STAMBPL1: variants seen among roughly 807,000 people sequenced by gnomAD.
STAMBPL1 encodes the protein AMSH-like protease.
A neutral mutation model predicts 52.9 loss-of-function variants in STAMBPL1; 44 were observed. That is an observed-to-expected ratio of 0.83 (90% confidence interval 0.65 to 1.07). STAMBPL1 has a LOEUF of 1.07. Among genes scored for constraint, STAMBPL1 ranks in the 50% least tolerant of loss-of-function variants. The pLI is 0.00. For missense variants in STAMBPL1, 511 were observed against 520.8 expected (o/e 0.98, Z 0.18); for synonymous variants, 164 against 177.3 (o/e 0.92, Z 0.60).
chr10:88,905,494 G>A lies in STAMBPL1; in HGVS notation c.82G>A (p.Glu28Lys). 1 of 1,614,106 alleles carries A rather than the reference G, an allele frequency of 6.2e-7. No individual in the cohort carries two copies. The highest frequency in any genetic ancestry group is 8.5e-7 in the Non-Finnish European group (1 of 1,180,008). The change falls in exon 3 of 11, where the codon GAG becomes AAG. Residue 28 changes from glutamate to lysine, a missense_variant. Transcript: ENST00000371926. ...TACAGATGTTTCCCTAAGCCCAGAA[G>A]AGCGAGTCCGTGCCCTAAGCAAGCT... ...DHTDVSLSPE[E>K]RVRALSKLGC...
chr10:88,893,479 C>T (rs1331414347), intron 1 of STAMBPL1, among the ~76,000 whole-genome samples: 2 of 152,178 alleles, frequency 1.3e-5, no homozygotes, highest in African/African-American at 4.8e-5. Context: ...CGGTGGCTCA[C>T]ACCTGTAATC....
chr10:88,894,450 G>T (rs1454912931), intron 1 of STAMBPL1, among the ~76,000 whole-genome samples: 2 of 152,038 alleles, frequency 1.3e-5, no homozygotes, highest in African/African-American at 4.8e-5. Context: ...TTACCTAGAA[G>T]GCAGTCTAGA....
intron 2 of STAMBPL1, among the ~76,000 whole-genome samples, chr10:88,902,367 C>G (rs1844964056): frequency 6.6e-6 from 1 of 152,086 alleles, no homozygotes; most frequent in East Asian, 1.9e-4. Context: ...ATGGTCCTAG[C>G]CTACCAGGAT....
At chr10:88,898,698 C>T (rs1844870194) in intron 1 of STAMBPL1, among the ~76,000 whole-genome samples, 1 of 152,144 alleles carries the variant, frequency 6.6e-6, no homozygotes, top group Middle Eastern at 3.2e-3. Flanking sequence ...TTAAACATTT[C>T]ATACATATAG....
intron 5 of STAMBPL1, 114 bp downstream of exon 5, chr10:88,911,125 A>C: frequency 1.5e-6 from 1 of 672,024 alleles, no homozygotes; most frequent in Non-Finnish European, 2.3e-6. Flanking sequence ...TTAAAAATTA[A>C]AGATGCAGTG....
chr10:88,910,219 A>C (rs937997458), intron 4 of STAMBPL1, among the ~76,000 whole-genome samples: 7 of 152,210 alleles, frequency 4.6e-5, no homozygotes, highest in African/African-American at 1.4e-4. Context: ...AGGAGACTTG[A>C]GTTCCAGTCC....
chr10:88,916,528 C>A, intron 7 of STAMBPL1, 152 bp from the exon 8 acceptor site: 8 of 249,382 alleles, frequency 3.2e-5, no homozygotes, highest in East Asian at 8.4e-5. Flanking sequence ...GGTGGTGTGT[C>A]CAGGTACAGG....
At chr10:88,882,879 C>T (rs1436853235) in intron 1 of STAMBPL1, 1 of 152,010 alleles carries the variant, frequency 6.6e-6, no homozygotes, top group East Asian at 1.9e-4. Flanking sequence ...TATTATTGTA[C>T]TTTAACTTCT....
chr10:88,916,829 C>A lies in STAMBPL1; in HGVS notation c.1041+12C>A. On this transcript the variant is annotated intron_variant, in intron 8 of 10. Transcript: ENST00000371926. ...TAGGATGGATCCATGTACGTTTGAC[C>A]TTTTGGGTTTCAGTTTTTTTGTGTG... 1 of 1,530,578 alleles carries A rather than the reference C, an allele frequency of 6.5e-7. No individual in the cohort carries two copies. The highest frequency in any genetic ancestry group is 8.8e-7 in the Non-Finnish European group (1 of 1,136,532). The allele number at this position is 1,530,578 out of a possible 1,614,324, so 94.8% of individuals were successfully genotyped here.
chr10:88,922,522 A>G (rs1845540885), intron 10 of STAMBPL1, 86 bp downstream of exon 10: 1 of 1,259,998 alleles, frequency 7.9e-7, no homozygotes, highest in Non-Finnish European at 1.1e-6. Context: ...TAGCAGTCTA[A>G]TATAAGATAA....
intron 1 of STAMBPL1, among the ~76,000 whole-genome samples, chr10:88,888,561 C>T (rs1844596628): frequency 6.6e-6 from 1 of 152,158 alleles, no homozygotes; most frequent in Non-Finnish European, 1.5e-5. Flanking sequence ...TGGTAAATTG[C>T]TTTTTCCTAC....
intron 1 of STAMBPL1, among the ~76,000 whole-genome samples, chr10:88,900,609 C>T (rs1040573406): frequency 6.6e-6 from 1 of 152,174 alleles, no homozygotes; most frequent in Non-Finnish European, 1.5e-5. Flanking sequence ...CTAGAACAAC[C>T]ACATGATGTA....
At chr10:88,902,126 C>T (rs1449939668) in intron 2 of STAMBPL1, among the ~76,000 whole-genome samples, 3 of 152,106 alleles carry the variant, frequency 2.0e-5, no homozygotes, top group Non-Finnish European at 2.9e-5. Flanking sequence ...ACATACATAA[C>T]ACCTAGGTAC....
chr10:88,907,483 T>C (rs1025946951), intron 3 of STAMBPL1, among the ~76,000 whole-genome samples: 2 of 152,252 alleles, frequency 1.3e-5, no homozygotes, highest in Non-Finnish European at 2.9e-5. Context: ...ATTAATAATA[T>C]TTCTTTTTCA....
At chr10:88,885,848 A>G (rs1844517503) in intron 1 of STAMBPL1, among the ~76,000 whole-genome samples, 1 of 152,204 alleles carries the variant, frequency 6.6e-6, no homozygotes, top group Non-Finnish European at 1.5e-5. Flanking sequence ...GAGCTTTAGG[A>G]TGGAATCTGC....
chr10:88,921,632 T>G (rs1009147410), intron 9 of STAMBPL1, among the ~76,000 whole-genome samples: 2 of 152,196 alleles, frequency 1.3e-5, no homozygotes, highest in African/African-American at 4.8e-5. Flanking sequence ...TGAATAACAT[T>G]TAAGAAAGAT....
chr10:88,883,783 C>T (rs1170186090), intron 1 of STAMBPL1, among the ~76,000 whole-genome samples: 1 of 152,110 alleles, frequency 6.6e-6, no homozygotes, highest in Non-Finnish European at 1.5e-5. Context: ...AAAAGAAGTC[C>T]CTTGATATAA....
chr10:88,923,323 A>T lies in STAMBPL1; in HGVS notation c.*99A>T. On this transcript the variant is annotated 3_prime_UTR_variant, in exon 11 of 11. Transcript: ENST00000371926. Reference sequence around the variant, plus strand: ...TGTTTCCAGAAATGACTGATATTTTATATTTATACATTTTAGATGACAAAG... The same window carrying T: ...TGTTTCCAGAAATGACTGATATTTTTTATTTATACATTTTAGATGACAAAG... 6.9e-7 allele frequency: 1 copy of T among 1,448,378 alleles called. No homozygotes were observed. Among genetic ancestry groups the T allele is most frequent in the South Asian group, 1.5e-5 (1 of 66,266 alleles). The allele number at this position is 1,448,378 out of a possible 1,614,324, so 89.7% of individuals were successfully genotyped here.
At chr10:88,922,912 C>T (rs1845550912) in intron 10 of STAMBPL1, among the ~76,000 whole-genome samples, 2 of 151,736 alleles carry the variant, frequency 1.3e-5, no homozygotes, top group Admixed American at 1.3e-4. Flanking sequence ...CTTGGAGGTT[C>T]TGTGGCTATA....
Sources: gnomAD v4.1 joint callset for allele counts (sites outside exome capture counted in the v4.1 genomes callset) on GRCh38, gnomAD v4.1.1 for gene constraint, MANE v1.5 for transcripts, NCBI Gene and HGNC (gene_info 2026-07-23, HGNC 2026-07-21) for gene names.